The following SGCZ variants were observed in gnomAD, a reference collection of about 807,000 sequenced individuals.
The protein encoded by SGCZ is sarcoglycan zeta.
SGCZ carries 40 observed loss-of-function variants against 41.3 expected under a neutral mutation model. The ratio of observed to expected loss-of-function variants is 0.97; its 90% CI spans 0.75 to 1.26. The LOEUF is 1.26. Among genes scored for constraint, SGCZ ranks in the 50% most tolerant of loss-of-function variants. The probability of loss-of-function intolerance (pLI) is 0.00; values close to 1 mark genes in which losing one functional copy is unlikely to be tolerated. For synonymous variants in SGCZ, 206 were observed against 137.5 expected (o/e 1.50, Z -3.49); for missense variants, 552 against 369.8 (o/e 1.49, Z -4.04).
intron 1 of SGCZ, among the ~76,000 whole-genome samples, chr8:14,972,866 TTAAA>T (rs1801347757): frequency 6.6e-6 from 1 of 152,180 alleles, no homozygotes; most frequent in Non-Finnish European, 1.5e-5. Context: ...ACACTTTTCT[TTAAA>T]CAACTATATA....
intron 2 of SGCZ, among the ~76,000 whole-genome samples, chr8:14,384,690 G>C (rs1407858710): frequency 2.6e-5 from 4 of 152,098 alleles, no homozygotes; most frequent in African/African-American, 9.7e-5. Context: ...CACCCTAGTA[G>C]CTGGGATTAC....
At chr8:14,330,588 TTTTAAATTTAAATTTAAAATGACTG>T (rs1180054788) in intron 2 of SGCZ, among the ~76,000 whole-genome samples, 138 of 152,090 alleles carry the variant, frequency 9.1e-4, no homozygotes, top group Non-Finnish European at 5.4e-4. Context: ...ACTGTTTAAA[TTTTAAATTTAAATTTAAAATGACTG>T]TTTAAATTTA....
At chr8:15,232,689 A>ATG (rs1491233677) in intron 1 of SGCZ, among the ~76,000 whole-genome samples, 2 of 122,614 alleles carry the variant, frequency 1.6e-5, no homozygotes, top group African/African-American at 5.5e-5. Context: ...ATATATATAT[A>ATG]TGTGTGTATA....
chr8:14,361,812 T>C (rs1051149565), intron 2 of SGCZ, among the ~76,000 whole-genome samples: 1 of 152,184 alleles, frequency 6.6e-6, no homozygotes, highest in African/African-American at 2.4e-5. Context: ...CCCCATCTTT[T>C]TAGTTTTATC....
At chr8:15,159,062 C>G (rs1799419442) in intron 1 of SGCZ, among the ~76,000 whole-genome samples, 1 of 152,114 alleles carries the variant, frequency 6.6e-6, no homozygotes, top group African/African-American at 2.4e-5. Context: ...CCTGAAAGAC[C>G]AGAACATCTG....
chr8:14,579,173 T>C (rs1023570930), intron 1 of SGCZ, among the ~76,000 whole-genome samples: 1 of 152,174 alleles, frequency 6.6e-6, no homozygotes, highest in Non-Finnish European at 1.5e-5. Context: ...TTATTTATAC[T>C]CTATTAGCTA....
intron 2 of SGCZ, among the ~76,000 whole-genome samples, chr8:14,371,746 T>C (rs141021482): frequency 0.02 from 3,035 of 152,226 alleles, 80 homozygotes; most frequent in African/African-American, 0.056. Flanking sequence ...CAACTATAAA[T>C]TCATAATAGT....
At chr8:14,268,625 T>A (rs17228952) in intron 3 of SGCZ, among the ~76,000 whole-genome samples, 1 of 151,662 alleles carries the variant, frequency 6.6e-6, no homozygotes, top group Non-Finnish European at 1.5e-5. Flanking sequence ...ACATTTTATC[T>A]TTGGCTTGCT....
intron 1 of SGCZ, among the ~76,000 whole-genome samples, chr8:15,160,927 T>C (rs1585626691): frequency 6.6e-6 from 1 of 152,206 alleles, no homozygotes; most frequent in Admixed American, 6.5e-5. Flanking sequence ...TAATCTGGTG[T>C]GCAGCCACTA....
At chr8:15,010,563 A>G (rs1422907554) in intron 1 of SGCZ, among the ~76,000 whole-genome samples, 1 of 152,202 alleles carries the variant, frequency 6.6e-6, no homozygotes, top group East Asian at 1.9e-4. Flanking sequence ...ATCAAAAAGC[A>G]TGTGTCCCTA....
intron 2 of SGCZ, among the ~76,000 whole-genome samples, chr8:14,402,055 C>T (rs569794719): frequency 2.4e-4 from 37 of 152,184 alleles, no homozygotes; most frequent in Admixed American, 8.5e-4. Context: ...TGAGCATTTT[C>T]TCATGTGTTT....
At chr8:15,137,065 G>C (rs892543151) in intron 1 of SGCZ, among the ~76,000 whole-genome samples, 2 of 152,160 alleles carry the variant, frequency 1.3e-5, no homozygotes, top group African/African-American at 4.8e-5. Context: ...GAATGGCTTT[G>C]ACCAAAATAC....
intron 2 of SGCZ, among the ~76,000 whole-genome samples, chr8:14,534,837 T>C (rs1041451400): frequency 2.0e-5 from 3 of 151,988 alleles, no homozygotes; most frequent in Non-Finnish European, 4.4e-5. Context: ...TTTTTGAAAA[T>C]GTTTCCTCAG....
chr8:14,611,598 T>A (rs991956427), intron 1 of SGCZ, among the ~76,000 whole-genome samples: 1 of 152,150 alleles, frequency 6.6e-6, no homozygotes, highest in Non-Finnish European at 1.5e-5. Context: ...ACATTTTCAG[T>A]GTAACATTCC....
At chr8:14,189,456 C>T (rs1805020316) in intron 4 of SGCZ, among the ~76,000 whole-genome samples, 2 of 152,162 alleles carry the variant, frequency 1.3e-5, no homozygotes, top group Admixed American at 6.5e-5. Context: ...CTGCTTTATT[C>T]CCAATAATCC....
intron 5 of SGCZ, among the ~76,000 whole-genome samples, chr8:14,161,038 T>C (rs549870170): frequency 6.6e-6 from 1 of 152,340 alleles, no homozygotes; most frequent in Non-Finnish European, 1.5e-5. Flanking sequence ...TAGAATAAAC[T>C]TCACACATAT....
chr8:14,853,171 A>G (rs891276330), intron 1 of SGCZ, among the ~76,000 whole-genome samples: 1 of 152,230 alleles, frequency 6.6e-6, no homozygotes, highest in East Asian at 1.9e-4. Flanking sequence ...CATGAATTTC[A>G]AATGTCTGCA....
chr8:14,113,104 C>A (rs1416905646), intron 5 of SGCZ, among the ~76,000 whole-genome samples: 1 of 152,022 alleles, frequency 6.6e-6, no homozygotes, highest in East Asian at 1.9e-4. Context: ...CCACAAAATA[C>A]AACCTATACA....
intron 4 of SGCZ, among the ~76,000 whole-genome samples, chr8:14,171,159 A>C: frequency 6.6e-6 from 1 of 151,446 alleles, no homozygotes; most frequent in Non-Finnish European, 1.5e-5. Flanking sequence ...TAAAAAAAAA[A>C]AAAAAAAACT....
Sources: allele counts gnomAD v4.1 joint callset (sites outside exome capture counted in the v4.1 genomes callset), GRCh38; gene constraint gnomAD v4.1.1; transcripts MANE v1.5; gene names NCBI Gene and HGNC (gene_info 2026-07-23, HGNC 2026-07-21).